The following MDGA2 variants were observed in gnomAD, a reference collection of about 807,000 sequenced individuals.
MDGA2 encodes MAM domain-containing glycosylphosphatidylinositol anchor protein 2.
Under a neutral mutation model 117.8 loss-of-function variants are expected in MDGA2, and 40 were observed. That is an observed-to-expected ratio of 0.34 (90% CI 0.26 to 0.44). The LOEUF is 0.44. Among genes scored for constraint, MDGA2 ranks in the 20% least tolerant of loss-of-function variants. MDGA2 has a pLI of 1.00. For missense variants in MDGA2, 1,123 were observed against 1,250.6 expected (o/e 0.90, Z 1.54); for synonymous variants, 452 against 439.0 (o/e 1.03, Z -0.37).
chr14:46,983,799 C>A (rs1286036470), intron 8 of MDGA2, among the ~76,000 whole-genome samples: 1 of 152,012 alleles, frequency 6.6e-6, no homozygotes, highest in Admixed American at 6.6e-5. Context: ...AGATGGGAGA[C>A]AGTGAGAATT....
At chr14:46,955,991 T>C (rs1429585621) in intron 9 of MDGA2, among the ~76,000 whole-genome samples, 1 of 152,086 alleles carries the variant, frequency 6.6e-6, no homozygotes, top group Non-Finnish European at 1.5e-5. Context: ...TGATATGTTT[T>C]AGTAAATGAA....
Position 47,656,591 on chromosome 14 carries a change from C to T in MDGA2, c.280+17926G>A, listed in dbSNP as rs918594299. 3.9e-5 allele frequency among the ~76,000 whole-genome samples: 6 copies of T among 152,202 alleles called. No individual in the cohort carries two copies. In the South Asian group the frequency reaches 6.2e-4, roughly 16 times the overall value. On this transcript the variant is annotated intron_variant, in intron 1 of 16. Coordinates refer to ENST00000399232, the MANE Select transcript of MDGA2 (RefSeq NM_001113498.3). ...ATAACTTAGCTGATTGTTGGCTGGA[C>T]GCCTGCAAAGAGAAGTGACAGAAAA...
chr14:47,106,586 C>G (rs1348868780), intron 5 of MDGA2, among the ~76,000 whole-genome samples: 3 of 152,050 alleles, frequency 2.0e-5, no homozygotes, highest in African/African-American at 4.8e-5. Flanking sequence ...ACTCCCAGAG[C>G]CCCTGGAACT....
intron 1 of MDGA2, among the ~76,000 whole-genome samples, chr14:47,411,778 A>G (rs1417533587): frequency 2.0e-5 from 3 of 152,180 alleles, no homozygotes; most frequent in African/African-American, 7.2e-5. Flanking sequence ...TTATCAATGC[A>G]TATTCTAAAA....
intron 3 of MDGA2, among the ~76,000 whole-genome samples, chr14:47,203,142 A>G (rs1885570344): frequency 6.6e-6 from 1 of 151,986 alleles, no homozygotes; most frequent in African/African-American, 2.4e-5. Flanking sequence ...GAATCCAGGT[A>G]TTTCTTATTT....
chr14:47,114,882 C>T (rs183147921), intron 5 of MDGA2, among the ~76,000 whole-genome samples: 14 of 150,758 alleles, frequency 9.3e-5, no homozygotes, highest in East Asian at 3.9e-4. Flanking sequence ...ATGACAAAAA[C>T]GTCAAAAGCA....
Position 47,558,355 on chromosome 14 carries a change from G to C in MDGA2, c.280+116162C>G, listed in dbSNP as rs143651962. On this transcript the variant is annotated intron_variant, in intron 1 of 16. Transcript: ENST00000399232. ...TCTAGGCTAATATAATGCTAGTTTT[G>C]ATTTTAACCCAGCATCTGGAGGAAG... 4.7e-3 allele frequency among the ~76,000 whole-genome samples: 711 copies of C among 152,264 alleles called. 8 individuals carry two copies. The highest frequency in any genetic ancestry group is 0.016 in the African/African-American group (676 of 41,548).
chr14:47,615,625 T>C (rs747781548), intron 1 of MDGA2, among the ~76,000 whole-genome samples: 8 of 152,174 alleles, frequency 5.3e-5, no homozygotes, highest in Non-Finnish European at 1.0e-4. Context: ...AGACAGAGGA[T>C]AGAAGGAAGA....
intron 5 of MDGA2, among the ~76,000 whole-genome samples, chr14:47,100,459 A>C (rs2138996224): frequency 6.6e-6 from 1 of 152,302 alleles, no homozygotes; most frequent in South Asian, 2.1e-4. Context: ...TTACTATATA[A>C]GGTTAAACAT....
At chr14:47,049,012 T>C (rs1451241049) in intron 7 of MDGA2, among the ~76,000 whole-genome samples, 2 of 152,046 alleles carry the variant, frequency 1.3e-5, no homozygotes, top group Non-Finnish European at 2.9e-5. Flanking sequence ...AAGAGTTTAA[T>C]ACAATTTTTT....
chr14:47,022,299 G>A (rs1201462726), intron 8 of MDGA2, among the ~76,000 whole-genome samples: 5 of 151,940 alleles, frequency 3.3e-5, no homozygotes, highest in Non-Finnish European at 2.9e-5. Flanking sequence ...GGCTTGTCTC[G>A]AACTTCTGGA....
intron 5 of MDGA2, among the ~76,000 whole-genome samples, chr14:47,101,422 A>G (rs571138817): frequency 6.0e-4 from 91 of 152,290 alleles, no homozygotes; most frequent in South Asian, 1.9e-3. Flanking sequence ...TGGGTCCAAG[A>G]GAGGAATAAC....
At chr14:47,046,370 G>C (rs1213786347) in intron 7 of MDGA2, among the ~76,000 whole-genome samples, 1 of 151,720 alleles carries the variant, frequency 6.6e-6, no homozygotes, top group Non-Finnish European at 1.5e-5. Context: ...ATAATGCAGA[G>C]TTGTTCTCAC....
intron 1 of MDGA2, among the ~76,000 whole-genome samples, chr14:47,364,596 C>T (rs1252557501): frequency 6.6e-6 from 1 of 152,188 alleles, no homozygotes; most frequent in Admixed American, 6.5e-5. Context: ...GCACAGCTCT[C>T]CTGTTGAATG....
chr14:47,326,151 A>C (rs1040872815), intron 1 of MDGA2, among the ~76,000 whole-genome samples: 1 of 152,106 alleles, frequency 6.6e-6, no homozygotes, highest in Non-Finnish European at 1.5e-5. Context: ...GAATGGTACC[A>C]AAAAAATCAC....
chr14:46,866,514 T>C (rs1478676966), intron 14 of MDGA2, among the ~76,000 whole-genome samples: 2 of 152,046 alleles, frequency 1.3e-5, no homozygotes, highest in East Asian at 3.9e-4. Flanking sequence ...CTGAAAGCAA[T>C]GGCAACCAAA....
At chr14:47,225,192 G>A (rs1281012986) in intron 2 of MDGA2, among the ~76,000 whole-genome samples, 3 of 151,982 alleles carry the variant, frequency 2.0e-5, no homozygotes, top group Admixed American at 2.0e-4. Context: ...GGAGAAATAG[G>A]AACACTTTTA....
Position 47,153,680 on chromosome 14 carries a change from G to A in MDGA2, c.596-9406C>T, listed in dbSNP as rs1404646665. On this transcript the variant is annotated intron_variant, in intron 3 of 16. Transcript: ENST00000399232. ...GTGAGAGAGGCCTGGGCAGCACTAAGTACAGGCAAAAAAAGAAAAGAAAAG... is the reference window on the plus strand; with the variant it reads ...GTGAGAGAGGCCTGGGCAGCACTAAATACAGGCAAAAAAAGAAAAGAAAAG... Among the ~76,000 whole-genome samples, 8 of 145,346 alleles carry A rather than the reference G, an allele frequency of 5.5e-5. 1 individual carries two copies. The highest frequency in any genetic ancestry group is 4.2e-4 in the Admixed American group (6 of 14,236).
Position 47,004,206 on chromosome 14 carries a change from G to T in MDGA2, c.1819+30805C>A, listed in dbSNP as rs183062687. On this transcript the variant is annotated intron_variant, in intron 8 of 16. Coordinates refer to ENST00000399232, the MANE Select transcript of MDGA2 (RefSeq NM_001113498.3). ...ACACGGAAGATACTCAACATTATTA[G>T]TCATCAGAGAAATACAAATTAATGA... 1.7e-4 allele frequency among the ~76,000 whole-genome samples: 26 copies of T among 151,920 alleles called. 1 individual carries two copies. The highest frequency in any genetic ancestry group is 4.8e-4 in the African/African-American group (20 of 41,514).
Sources: allele counts gnomAD v4.1 joint callset (sites outside exome capture counted in the v4.1 genomes callset), GRCh38; gene constraint gnomAD v4.1.1; transcripts MANE v1.5; gene names NCBI Gene and HGNC (gene_info 2026-07-23, HGNC 2026-07-21).